QTMAN: variants seen among roughly 807,000 people sequenced by gnomAD.
QTMAN encodes queuosine-tRNA mannosyltransferase, also known as tRNA-queuosine alpha-mannosyltransferase.
chr2:144,006,084 CTG>C, the QTMAN span: 37 of 152,242 alleles, frequency 2.4e-4, no homozygotes, highest in Non-Finnish European at 3.8e-4. Context: ...ATATTGAACT[CTG>C]TCACATTCGA....
chr2:144,244,675 G>A, the QTMAN span, among the ~76,000 whole-genome samples: 1 of 151,806 alleles, frequency 6.6e-6, no homozygotes, highest in Non-Finnish European at 1.5e-5. Flanking sequence ...TTTTTTAAAC[G>A]CAAATAATAA....
the QTMAN span, among the ~76,000 whole-genome samples, chr2:143,968,609 C>T: frequency 2.0e-5 from 3 of 152,108 alleles, no homozygotes; most frequent in Non-Finnish European, 4.4e-5. Flanking sequence ...CCTGAAAGTA[C>T]GCAGTGGTAA....
At chr2:144,148,903 C>T in the QTMAN span, among the ~76,000 whole-genome samples, 1 of 151,910 alleles carries the variant, frequency 6.6e-6, no homozygotes, top group Non-Finnish European at 1.5e-5. Context: ...ATAGCCCTCA[C>T]TAGTTTTAAA....
chr2:143,991,998 C>A, the QTMAN span, among the ~76,000 whole-genome samples: 1 of 152,014 alleles, frequency 6.6e-6, no homozygotes, highest in Non-Finnish European at 1.5e-5. Flanking sequence ...AAGTGAGGAG[C>A]CCCTCTGCCC....
At chr2:144,239,710 T>C in the QTMAN span, among the ~76,000 whole-genome samples, 22 of 152,352 alleles carry the variant, frequency 1.4e-4, no homozygotes, top group East Asian at 4.0e-3. Context: ...CCATCATTCA[T>C]TGTCTTCATT....
At chr2:144,243,007 G>A in the QTMAN span, among the ~76,000 whole-genome samples, 7 of 143,440 alleles carry the variant, frequency 4.9e-5, no homozygotes, top group Middle Eastern at 3.7e-3. Context: ...CTATACTACC[G>A]TACTAGCATC....
At chr2:143,947,355 A>T in the QTMAN span, among the ~76,000 whole-genome samples, 1 of 152,164 alleles carries the variant, frequency 6.6e-6, no homozygotes, top group Non-Finnish European at 1.5e-5. Flanking sequence ...GAAGAAGGCT[A>T]CTGTTTTCTG....
the QTMAN span, among the ~76,000 whole-genome samples, chr2:144,032,972 T>A: frequency 6.6e-6 from 1 of 152,040 alleles, no homozygotes; most frequent in African/African-American, 2.4e-5. Context: ...CAGAAAAATT[T>A]CAAAAACAAG....
the QTMAN span, among the ~76,000 whole-genome samples, chr2:144,162,555 CA>C: frequency 1.3e-5 from 2 of 151,792 alleles, no homozygotes; most frequent in African/African-American, 4.8e-5. Context: ...CAGAATATAT[CA>C]GGGGAAAAAA....
chr2:144,223,265 CAAAA>C, the QTMAN span, among the ~76,000 whole-genome samples: 1 of 149,572 alleles, frequency 6.7e-6, no homozygotes, highest in Non-Finnish European at 1.5e-5. Context: ...TTCTAGAAAA[CAAAA>C]AAAAACTAAT....
the QTMAN span, among the ~76,000 whole-genome samples, chr2:144,328,722 C>G: frequency 6.6e-6 from 1 of 152,154 alleles, no homozygotes; most frequent in Non-Finnish European, 1.5e-5. Flanking sequence ...AAATTAAACA[C>G]CATCCTACTC....
chr2:144,166,586 T>C, the QTMAN span, among the ~76,000 whole-genome samples: 4 of 152,336 alleles, frequency 2.6e-5, no homozygotes, highest in Non-Finnish European at 5.9e-5. Context: ...GCAACTTAAC[T>C]TTGGTCACAT....
the QTMAN span, among the ~76,000 whole-genome samples, chr2:144,279,373 GAAAAAAA>G: frequency 9.9e-5 from 7 of 70,842 alleles, 1 homozygote; most frequent in South Asian, 1.2e-3. Flanking sequence ...CTCACCGCAA[GAAAAAAA>G]AAAAAAAAAA....
At chr2:144,043,066 A>T in the QTMAN span, among the ~76,000 whole-genome samples, 2 of 152,176 alleles carry the variant, frequency 1.3e-5, no homozygotes, top group Non-Finnish European at 2.9e-5. Flanking sequence ...TGAGGAAGAC[A>T]GCATCTGTCC....
At chr2:144,200,807 T>A in the QTMAN span, among the ~76,000 whole-genome samples, 2 of 152,226 alleles carry the variant, frequency 1.3e-5, no homozygotes, top group African/African-American at 4.8e-5. Context: ...TTTGGTTTAA[T>A]CCAGTAAAAC....
At chr2:144,271,698 T>C in the QTMAN span, among the ~76,000 whole-genome samples, 4 of 152,144 alleles carry the variant, frequency 2.6e-5, no homozygotes, top group African/African-American at 4.8e-5. Context: ...TCCAGAATGC[T>C]CCCTGCTCCC....
chr2:143,987,524 C>A, the QTMAN span, among the ~76,000 whole-genome samples: 1 of 152,170 alleles, frequency 6.6e-6, no homozygotes, highest in Non-Finnish European at 1.5e-5. Flanking sequence ...TCTGGGTTTT[C>A]ACTTATTATG....
chr2:144,053,909 C>T, the QTMAN span, among the ~76,000 whole-genome samples: 3 of 152,172 alleles, frequency 2.0e-5, no homozygotes, highest in African/African-American at 4.8e-5. Flanking sequence ...AAAACCTGGC[C>T]GGGCGTGGTG....
At chr2:144,330,324 T>C in the QTMAN span, among the ~76,000 whole-genome samples, 2 of 152,222 alleles carry the variant, frequency 1.3e-5, no homozygotes, top group Non-Finnish European at 2.9e-5. Flanking sequence ...ATATACCATA[T>C]AGCCTAGGTG....
Sources: gnomAD v4.1 joint callset for allele counts (sites outside exome capture counted in the v4.1 genomes callset) on GRCh38, gnomAD v4.1.1 for gene constraint, MANE v1.5 for transcripts, NCBI Gene and HGNC (gene_info 2026-07-23, HGNC 2026-07-21) for gene names.